Variants in OSBP2 observed in about 807,000 individuals in gnomAD.
OSBP2 encodes oxysterol binding protein 2, also known as oxysterol-binding protein 2.
A neutral mutation model predicts 96.0 loss-of-function variants in OSBP2; 66 were observed. That is an observed-to-expected ratio of 0.69 (90% CI 0.56 to 0.84). The LOEUF (loss-of-function observed/expected upper bound fraction) is 0.84. Ranked by LOEUF, OSBP2 falls within the 40% of genes least tolerant of loss-of-function variation. The pLI is 0.00. For synonymous variants in OSBP2, 525 were observed against 520.9 expected (o/e 1.01, Z -0.11); for missense variants, 1,038 against 1,222.7 (o/e 0.85, Z 2.25).
rs182222439 is a variant in OSBP2 at position 30,882,744 on chromosome 22, G to C, written c.1108-4682G>C. On this transcript the variant is annotated intron_variant, in intron 3 of 13. Coordinates refer to ENST00000332585, the MANE Select transcript of OSBP2 (RefSeq NM_030758.4). ...GGATTGGAAACCATTTTCTATGAGAGGCTATCAGCTGCCCGGATCTGTGGA... is the reference window on the plus strand; with the variant it reads ...GGATTGGAAACCATTTTCTATGAGACGCTATCAGCTGCCCGGATCTGTGGA... Among the ~76,000 whole-genome samples, 783 of 152,322 alleles carry C rather than the reference G, an allele frequency of 5.1e-3. 4 individuals carry two copies. Among genetic ancestry groups the C allele is most frequent in the African/African-American group, 0.018 (738 of 41,574 alleles).
chr22:30,870,301 GGCACC>G lies in OSBP2; in HGVS notation c.854-127_854-123del. 1 of 977,276 alleles carries G rather than the reference GGCACC, an allele frequency of 1.0e-6. No individual in the cohort carries two copies. The allele number at this position is 977,276 out of a possible 1,614,324, so 60.5% of individuals were successfully genotyped here. On this transcript the variant is annotated intron_variant, in intron 2 of 13. Transcript: ENST00000332585. The surrounding 1 kb of genome is among the most constrained non-coding windows in gnomAD (Gnocchi z 4.1). ...CTCACCCCGGCCAGGAACAGGAACG[GGCACC>G]ATCTCGGGGACTGATGTTTTTTGAA...
intron 2 of OSBP2, among the ~76,000 whole-genome samples, chr22:30,866,686 G>A (rs1036355968): frequency 2.0e-5 from 3 of 152,264 alleles, no homozygotes; most frequent in East Asian, 3.9e-4. Flanking sequence ...GCAGTGAACC[G>A]AGATTGCGCC....
intron 2 of OSBP2, among the ~76,000 whole-genome samples, chr22:30,815,696 C>A (rs2091075327): frequency 2.0e-5 from 3 of 152,142 alleles, no homozygotes; most frequent in African/African-American, 7.2e-5. Context: ...TCCCTTTTCA[C>A]CCCACATTAT....
chr22:30,853,560 A>G (rs532767710), intron 2 of OSBP2, among the ~76,000 whole-genome samples: 13 of 152,262 alleles, frequency 8.5e-5, no homozygotes, highest in African/African-American at 2.6e-4. Context: ...TCTTGTTAAC[A>G]TATAATGAAT....
In OSBP2 at chr22:30,887,634, G is replaced by A. The variant is rs200287904; in HGVS notation, c.1300+16G>A. 3.1e-5 allele frequency: 49 copies of A among 1,566,334 alleles called. No individual in the cohort carries two copies. In the Middle Eastern group the frequency reaches 1.2e-3, roughly 38 times the overall value. Reference sequence around the variant, plus strand: ...TTCATTGAGGGTGAGTGGGCAGCCAGGGCAGGGCTGTCCCATGACCTTCTG... The same window carrying A: ...TTCATTGAGGGTGAGTGGGCAGCCAAGGCAGGGCTGTCCCATGACCTTCTG... On this transcript the variant is annotated intron_variant, in intron 4 of 13. Coordinates refer to ENST00000332585, the MANE Select transcript of OSBP2 (RefSeq NM_030758.4).
At chr22:30,832,039 G>T (rs1199922047) in intron 2 of OSBP2, among the ~76,000 whole-genome samples, 1 of 151,896 alleles carries the variant, frequency 6.6e-6, no homozygotes, top group Non-Finnish European at 1.5e-5. Flanking sequence ...TGCCTGCTTT[G>T]GCCAAGCAGA....
At chr22:30,784,319 T>C (rs1315913354) in intron 2 of OSBP2, among the ~76,000 whole-genome samples, 1 of 152,108 alleles carries the variant, frequency 6.6e-6, no homozygotes, top group Non-Finnish European at 1.5e-5. Flanking sequence ...AGTGGCATGA[T>C]CACAGCTCAC....
Position 30,840,314 on chromosome 22 carries a change from AAAG to A in OSBP2, c.854-30112_854-30110del, listed in dbSNP as rs1398055763. ...TATTAAATAAACCTGTTAAAAAAAAAAAGAAAAAGGAAAAAAAAAAAGAAAGCT... is the reference window on the plus strand; with the variant it reads ...TATTAAATAAACCTGTTAAAAAAAAAAAAAAGGAAAAAAAAAAAGAAAGCT... On this transcript the variant is annotated intron_variant, in intron 2 of 13. Transcript: ENST00000332585. Among the ~76,000 whole-genome samples, 36 of 151,432 alleles carry A rather than the reference AAAG, an allele frequency of 2.4e-4. 1 individual carries two copies. The highest frequency in any genetic ancestry group is 7.5e-4 in the African/African-American group (31 of 41,120).
intron 2 of OSBP2, among the ~76,000 whole-genome samples, chr22:30,812,792 T>A (rs557105181): frequency 1.3e-5 from 2 of 151,944 alleles, no homozygotes; most frequent in Admixed American, 1.3e-4. Flanking sequence ...TTACTCCTTG[T>A]TACTCTGATG....
intron 2 of OSBP2, among the ~76,000 whole-genome samples, chr22:30,802,668 A>C (rs2145843339): frequency 6.6e-6 from 1 of 152,346 alleles, no homozygotes; most frequent in East Asian, 1.9e-4. Context: ...CGAGAGAAGA[A>C]GGCTAATCCC....
At chr22:30,694,237 GA>G (rs1389821619), upstream of OSBP2, 14 of 1,549,850 alleles carry the variant, frequency 9.0e-6, no homozygotes, top group Non-Finnish European at 1.0e-5. Flanking sequence ...CACTGGCAGC[GA>G]AGCGCCTTGG....
chr22:30,869,334 C>T (rs1221791826), intron 2 of OSBP2, among the ~76,000 whole-genome samples: 1 of 152,186 alleles, frequency 6.6e-6, no homozygotes, highest in Admixed American at 6.5e-5. Context: ...TCGATTTCCT[C>T]ATCTGTCACC....
chr22:30,713,247 T>C (rs905170040), intron 1 of OSBP2, among the ~76,000 whole-genome samples: 2 of 151,500 alleles, frequency 1.3e-5, no homozygotes, highest in African/African-American at 2.4e-5. Context: ...CCCGGCTAAT[T>C]TTTTCTATTT....
intron 2 of OSBP2, among the ~76,000 whole-genome samples, chr22:30,838,029 C>T (rs1169695533): frequency 6.6e-6 from 1 of 152,170 alleles, no homozygotes; most frequent in Non-Finnish European, 1.5e-5. Flanking sequence ...CCCCGAGGTA[C>T]ATATTTTTTC....
intron 2 of OSBP2, among the ~76,000 whole-genome samples, chr22:30,813,811 T>C (rs552534801): frequency 1.3e-5 from 2 of 151,898 alleles, no homozygotes; most frequent in South Asian, 4.2e-4. Flanking sequence ...TTTTTTTCTT[T>C]TTTTTTTTGA....
chr22:30,694,771 A>G (rs71324177), upstream of OSBP2: 588,681 of 588,764 alleles, frequency 1, 294,300 homozygotes, highest in East Asian at 1. Flanking sequence ...GCTGACGGGC[A>G]CGGAGCGCAC....
chr22:30,695,425 C>G lies in OSBP2; in HGVS notation c.516C>G (p.Thr172=). 6.2e-7 allele frequency: 1 copy of G among 1,613,700 alleles called. No individual in the cohort carries two copies. The highest frequency in any genetic ancestry group is 1.6e-4 in the Middle Eastern group (1 of 6,062). ...LGVPMSGTGT[T]SSAPLALLPL... Reference sequence around the variant, plus strand: ...TTCCAATGTCGGGGACTGGCACGACCTCCAGTGCCCCACTGGCCTTACTGC... The same window carrying G: ...TTCCAATGTCGGGGACTGGCACGACGTCCAGTGCCCCACTGGCCTTACTGC... The change falls in exon 1 of 14, where the codon ACC becomes ACG. Residue 172 remains threonine, a synonymous_variant. Coordinates refer to ENST00000332585, the MANE Select transcript of OSBP2 (RefSeq NM_030758.4).
chr22:30,767,052 C>T (rs562673619), intron 2 of OSBP2, among the ~76,000 whole-genome samples: 7 of 141,882 alleles, frequency 4.9e-5, no homozygotes, highest in African/African-American at 1.9e-4. Context: ...ACAAAAAAAG[C>T]TCTGGGATGG....
At position 30,870,400 on chromosome 22, in the gene OSBP2, G is replaced by T; in HGVS notation, c.854-29G>T. On this transcript the variant is annotated intron_variant, in intron 2 of 13. Transcript: ENST00000332585. The surrounding 1 kb of genome is among the most constrained non-coding windows in gnomAD (Gnocchi z 4.1). The stretch of plus-strand genomic sequence containing the variant: ...TCTTGGTACCACGTCTGTTCGTAAT[G>T]ACCGTAACAACTCTATTTTCTTCCA... 1.2e-6 allele frequency: 2 copies of T among 1,611,600 alleles called. No homozygotes were observed. The highest frequency in any genetic ancestry group is 2.2e-5 in the South Asian group (2 of 90,952).
Sources: allele counts gnomAD v4.1 joint callset (sites outside exome capture counted in the v4.1 genomes callset), GRCh38; gene constraint gnomAD v4.1.1; non-coding constraint Gnocchi (gnomAD v3.1); transcripts MANE v1.5; gene names NCBI Gene and HGNC (gene_info 2026-07-23, HGNC 2026-07-21).